Variants in MOXD1 observed in about 807,000 individuals in gnomAD.
MOXD1 encodes DBH-like monooxygenase protein 1.
In MOXD1, 62 loss-of-function variants were observed where a neutral mutation model predicts 66.6. The ratio of observed to expected loss-of-function variants is 0.93; its 90% CI spans 0.76 to 1.15. The LOEUF (loss-of-function observed/expected upper bound fraction) is 1.15, where lower values mean the gene tolerates loss of function less well. Ranked by LOEUF, MOXD1 falls within the 50% of genes most tolerant of loss-of-function variation. MOXD1 has a pLI of 0.00. For missense variants in MOXD1, 847 were observed against 754.6 expected (o/e 1.12, Z -1.44); for synonymous variants, 303 against 281.9 (o/e 1.07, Z -0.75).
At chr6:132,314,722 C>T (rs952990683) in intron 10 of MOXD1, among the ~76,000 whole-genome samples, 3 of 152,184 alleles carry the variant, frequency 2.0e-5, no homozygotes, top group Non-Finnish European at 4.4e-5. Flanking sequence ...CCCAGAGAGG[C>T]TTTCTTTATC....
At chr6:132,312,204 C>A (rs1774845554) in intron 10 of MOXD1, among the ~76,000 whole-genome samples, 1 of 151,166 alleles carries the variant, frequency 6.6e-6, no homozygotes, top group Non-Finnish European at 1.5e-5. Flanking sequence ...TGAGACAAGA[C>A]ATAGTTGTCT....
At chr6:132,369,686 A>G (rs75454512) in intron 4 of MOXD1, among the ~76,000 whole-genome samples, 6,871 of 152,146 alleles carry the variant, frequency 0.045, 690 homozygotes, top group East Asian at 0.44. Flanking sequence ...TGAGATGGCT[A>G]CTAAGTGACT....
At chr6:132,316,207 A>G (rs189265992) in intron 9 of MOXD1, among the ~76,000 whole-genome samples, 72 of 152,274 alleles carry the variant, frequency 4.7e-4, no homozygotes, top group Non-Finnish European at 9.7e-4. Flanking sequence ...GAATCTAGGT[A>G]GTTAATTATC....
intron 4 of MOXD1, among the ~76,000 whole-genome samples, chr6:132,367,660 T>C (rs1442679612): frequency 6.6e-6 from 1 of 152,116 alleles, no homozygotes; most frequent in Non-Finnish European, 1.5e-5. Context: ...CTGATCATAA[T>C]AGTTGAGTTT....
At chr6:132,328,136 G>A in intron 5 of MOXD1, 21 bp from the exon 6 acceptor site, 2 of 1,588,344 alleles carry the variant, frequency 1.3e-6, no homozygotes, top group South Asian at 2.2e-5. Context: ...AAAATGCCAT[G>A]AGACAATGTC....
chr6:132,373,055 G>A (rs558397604), intron 2 of MOXD1, 58 bp from the exon 3 acceptor site: 1 of 1,481,170 alleles, frequency 6.8e-7, no homozygotes, highest in East Asian at 2.3e-5. Flanking sequence ...TTACCACTGA[G>A]TTGAGTTTAA....
rs769236976 is a variant in MOXD1, at chr6:132,327,987, G to A, written c.946+26C>T. On this transcript the variant is annotated intron_variant, in intron 6 of 11. Coordinates refer to ENST00000367963, the MANE Select transcript of MOXD1 (RefSeq NM_015529.4). ...ACAAAACTTTTTATAAAAATCATAG[G>A]TAAAACATATGAATAATAAACTCAC... 2.5e-5 allele frequency: 39 copies of A among 1,573,368 alleles called. No homozygotes were observed. In the Middle Eastern group the frequency reaches 6.7e-4, roughly 27 times the overall value.
chr6:132,338,919 T>A (rs1197428183), intron 4 of MOXD1, among the ~76,000 whole-genome samples: 1 of 152,192 alleles, frequency 6.6e-6, no homozygotes, highest in Non-Finnish European at 1.5e-5. Flanking sequence ...CTATCTTAAG[T>A]TGGATCCTGA....
At chr6:132,373,984 A>T (rs1342062336) in intron 2 of MOXD1, among the ~76,000 whole-genome samples, 1 of 152,148 alleles carries the variant, frequency 6.6e-6, no homozygotes, top group Non-Finnish European at 1.5e-5. Flanking sequence ...TATTTTTTAC[A>T]TTCCCATTTT....
intron 10 of MOXD1, 87 bp downstream of exon 10, chr6:132,315,548 A>G (rs1182074488): frequency 7.1e-7 from 1 of 1,403,186 alleles, no homozygotes; most frequent in Non-Finnish European, 9.7e-7. Context: ...AAAAATTTCT[A>G]TAATGTGGTA....
Position 132,296,175 on chromosome 6 carries a change from C to T in MOXD1, c.*978G>A, listed in dbSNP as rs533837760. ...AAAACCAAAAGAGTGACAAGATTTTCAATTGGTGACAATTTAAAGTCATTT... is the reference window on the plus strand; with the variant it reads ...AAAACCAAAAGAGTGACAAGATTTTTAATTGGTGACAATTTAAAGTCATTT... On this transcript the variant is annotated 3_prime_UTR_variant, in exon 12 of 12. Coordinates refer to ENST00000367963, the MANE Select transcript of MOXD1 (RefSeq NM_015529.4). 1 of 152,254 alleles carries T rather than the reference C, an allele frequency of 6.6e-6. No individual in the cohort carries two copies. Among genetic ancestry groups the T allele is most frequent in the African/African-American group, 2.4e-5 (1 of 41,550 alleles). The allele number at this position is 152,254 out of a possible 1,614,324, so 9.4% of individuals were successfully genotyped here. A position where few individuals can be genotyped will look rare whatever the true frequency, so the allele number is the denominator to read the frequency against.
At chr6:132,343,676 A>G (rs1232145727) in intron 4 of MOXD1, among the ~76,000 whole-genome samples, 1 of 152,242 alleles carries the variant, frequency 6.6e-6, no homozygotes, top group African/African-American at 2.4e-5. Flanking sequence ...GAAAACAACA[A>G]TGACATACCT....
intron 4 of MOXD1, among the ~76,000 whole-genome samples, chr6:132,361,794 T>A (rs1302689977): frequency 6.6e-6 from 1 of 152,140 alleles, no homozygotes; most frequent in Non-Finnish European, 1.5e-5. Flanking sequence ...TATGTTAGTG[T>A]AGTATTTTTC....
chr6:132,399,872 G>A (rs1776981646), intron 1 of MOXD1, among the ~76,000 whole-genome samples: 1 of 152,140 alleles, frequency 6.6e-6, no homozygotes, highest in African/African-American at 2.4e-5. Flanking sequence ...TGCATTTGTG[G>A]TCAAATACTT....
rs945681720 is a variant in MOXD1, at chr6:132,297,043, A to C, written c.*110T>G. ...GAAAAAGGAGGGAGGGAAAATGGGG[A>C]AGAAAAGTCTCCACACTCTTCATGC... On this transcript the variant is annotated 3_prime_UTR_variant, in exon 12 of 12. Coordinates refer to ENST00000367963, the MANE Select transcript of MOXD1 (RefSeq NM_015529.4). 9.0e-7 allele frequency: 1 copy of C among 1,114,218 alleles called. No individual in the cohort carries two copies. The highest frequency in any genetic ancestry group is 1.3e-6 in the Non-Finnish European group (1 of 785,948). 69.0% of individuals were successfully genotyped at this position (1,114,218 alleles called of 1,614,324 possible).
intron 4 of MOXD1, among the ~76,000 whole-genome samples, chr6:132,340,496 A>C (rs2114606667): frequency 6.8e-6 from 1 of 146,650 alleles, no homozygotes; most frequent in South Asian, 2.2e-4. Flanking sequence ...GGAAATTTTA[A>C]TTCGGCTATC....
At chr6:132,354,983 G>A (rs1009773785) in intron 4 of MOXD1, among the ~76,000 whole-genome samples, 3 of 152,044 alleles carry the variant, frequency 2.0e-5, no homozygotes, top group African/African-American at 7.2e-5. Flanking sequence ...CAATCTGAAG[G>A]GCTGGTCTCC....
intron 6 of MOXD1, among the ~76,000 whole-genome samples, chr6:132,327,004 T>C (rs1185436791): frequency 6.6e-6 from 1 of 152,188 alleles, no homozygotes; most frequent in Non-Finnish European, 1.5e-5. Context: ...GTCTTCAGGG[T>C]AAAAATCCTT....
At chr6:132,390,286 T>C (rs189491010) in intron 1 of MOXD1, 5 of 151,660 alleles carry the variant, frequency 3.3e-5, no homozygotes, top group African/African-American at 9.6e-5. Context: ...ATCATCTTCT[T>C]CATAGTACAT....
Sources: gnomAD v4.1 joint callset for allele counts (sites outside exome capture counted in the v4.1 genomes callset) on GRCh38, gnomAD v4.1.1 for gene constraint, MANE v1.5 for transcripts, NCBI Gene and HGNC (gene_info 2026-07-23, HGNC 2026-07-21) for gene names.